Variants in BABAM2 observed in about 807,000 individuals in gnomAD.
BABAM2 encodes BRISC and BRCA1 A complex member 2.
BABAM2 carries 31 observed loss-of-function variants against 54.7 expected under a neutral mutation model. That is an observed-to-expected ratio of 0.57 (90% CI 0.43 to 0.77). BABAM2 has a LOEUF of 0.77. Among genes scored for constraint, BABAM2 ranks in the 30% least tolerant of loss-of-function variants. BABAM2 has a pLI of 0.00. For missense variants in BABAM2, 364 were observed against 455.8 expected (o/e 0.80, Z 1.83); for synonymous variants, 167 against 162.9 (o/e 1.03, Z -0.19).
At chr2:28,117,942 T>G (rs533995241) in intron 6 of BABAM2, among the ~76,000 whole-genome samples, 6 of 152,198 alleles carry the variant, frequency 3.9e-5, no homozygotes, top group Non-Finnish European at 7.4e-5. Flanking sequence ...ATCTTCTACC[T>G]TTTCTTTAAG....
chr2:28,001,005 C>CT (rs1365619480), intron 4 of BABAM2, among the ~76,000 whole-genome samples: 1 of 152,090 alleles, frequency 6.6e-6, no homozygotes, highest in African/African-American at 2.4e-5. Context: ...AACCCTTGTC[C>CT]TTTTTATTGG....
At chr2:27,981,936 G>C (rs976335817) in intron 3 of BABAM2, among the ~76,000 whole-genome samples, 1 of 152,090 alleles carries the variant, frequency 6.6e-6, no homozygotes, top group Admixed American at 6.6e-5. Flanking sequence ...CTGCCAGACT[G>C]TTTTCAAAAG....
intron 2 of BABAM2, among the ~76,000 whole-genome samples, chr2:27,899,302 CTCTT>C (rs1558570763): frequency 1.3e-5 from 2 of 152,152 alleles, no homozygotes; most frequent in East Asian, 1.9e-4. Flanking sequence ...GAAATTCTTA[CTCTT>C]TCTATCAGTA....
At chr2:27,948,245 A>G (rs72810601) in intron 3 of BABAM2, among the ~76,000 whole-genome samples, 29,113 of 151,472 alleles carry the variant, frequency 0.19, 3,447 homozygotes, top group Non-Finnish European at 0.28. Context: ...CTGATTGTTT[A>G]TTGCTGATAT....
At chr2:28,261,173 C>T (rs1684490954) in intron 10 of BABAM2, among the ~76,000 whole-genome samples, 1 of 151,988 alleles carries the variant, frequency 6.6e-6, no homozygotes, top group African/African-American at 2.4e-5. Context: ...AACTCCTGAC[C>T]TCAAGTGATC....
chr2:27,969,872 C>T (rs1411594479), intron 3 of BABAM2, among the ~76,000 whole-genome samples: 1 of 152,052 alleles, frequency 6.6e-6, no homozygotes, highest in African/African-American at 2.4e-5. Context: ...TATCCATCCC[C>T]AAATGTCAGT....
At chr2:27,931,473 T>A (rs1668089394) in intron 3 of BABAM2, among the ~76,000 whole-genome samples, 1 of 152,312 alleles carries the variant, frequency 6.6e-6, no homozygotes, top group African/African-American at 2.4e-5. Flanking sequence ...TTGTTATCTT[T>A]TGACTTCCTG....
chr2:28,320,107 G>A (rs1401137257), intron 11 of BABAM2, among the ~76,000 whole-genome samples: 1 of 152,218 alleles, frequency 6.6e-6, no homozygotes, highest in Admixed American at 6.5e-5. Flanking sequence ...CCAGCCATAT[G>A]GGCAAACTTT....
At chr2:27,909,114 C>T (rs546386269) in intron 2 of BABAM2, among the ~76,000 whole-genome samples, 1 of 152,188 alleles carries the variant, frequency 6.6e-6, no homozygotes, top group South Asian at 2.1e-4. Flanking sequence ...GCAATCACAG[C>T]TCACTGTGCA....
intron 6 of BABAM2, among the ~76,000 whole-genome samples, chr2:28,124,838 A>T (rs1474590656): frequency 6.6e-6 from 1 of 152,232 alleles, no homozygotes; most frequent in East Asian, 1.9e-4. Flanking sequence ...AAATTATAAC[A>T]ATATAAGATG....
At chr2:28,191,884 G>C (rs1294702022) in intron 7 of BABAM2, among the ~76,000 whole-genome samples, 1 of 151,988 alleles carries the variant, frequency 6.6e-6, no homozygotes, top group East Asian at 1.9e-4. Context: ...ATGTACAATT[G>C]TACATCAATT....
In BABAM2 at chr2:28,338,673, A is replaced by T. The variant is rs984308006; in HGVS notation, c.*160A>T. On this transcript the variant is annotated 3_prime_UTR_variant, in exon 12 of 12. Transcript: ENST00000379624. The stretch of plus-strand genomic sequence containing the variant: ...CAGGCAGCCCCGACTGCTGAAATCC[A>T]ACTTGAGCTGGCTGGTGGTCCCTGG... 4.4e-5 allele frequency: 33 copies of T among 751,044 alleles called. No individual in the cohort carries two copies. The highest frequency in any genetic ancestry group is 3.8e-4 in the African/African-American group (22 of 57,368). 46.5% of individuals were successfully genotyped at this position (751,044 alleles called of 1,614,324 possible). A position where few individuals can be genotyped will look rare whatever the true frequency, so the allele number is the denominator to read the frequency against.
chr2:27,989,539 G>T (rs1262110050), intron 4 of BABAM2, among the ~76,000 whole-genome samples: 2 of 152,168 alleles, frequency 1.3e-5, no homozygotes, highest in African/African-American at 4.8e-5. Flanking sequence ...ATATAAGGAA[G>T]GGATCAACAA....
At chr2:28,014,487 C>G (rs1236091733) in intron 4 of BABAM2, among the ~76,000 whole-genome samples, 1 of 152,138 alleles carries the variant, frequency 6.6e-6, no homozygotes, top group Non-Finnish European at 1.5e-5. Flanking sequence ...AGGACTTAAC[C>G]TAACTGTGTT....
chr2:28,215,450 A>G (rs1679842254), intron 7 of BABAM2, among the ~76,000 whole-genome samples: 1 of 152,216 alleles, frequency 6.6e-6, no homozygotes, highest in Non-Finnish European at 1.5e-5. Flanking sequence ...TATGTTTAAC[A>G]ATTTATTAAA....
At chr2:27,902,636 A>T (rs1008381723) in intron 2 of BABAM2, among the ~76,000 whole-genome samples, 4 of 152,268 alleles carry the variant, frequency 2.6e-5, no homozygotes, top group Admixed American at 2.6e-4. Context: ...GCTTATTGGC[A>T]ATTCAGATTT....
intron 2 of BABAM2, among the ~76,000 whole-genome samples, chr2:27,925,841 G>A (rs1667660627): frequency 6.6e-6 from 1 of 152,134 alleles, no homozygotes; most frequent in South Asian, 2.1e-4. Flanking sequence ...TATCTGCCAG[G>A]TGGGCTACAC....
chr2:28,186,995 C>T (rs868078372), intron 7 of BABAM2, among the ~76,000 whole-genome samples: 2 of 152,040 alleles, frequency 1.3e-5, no homozygotes, highest in South Asian at 2.1e-4. Context: ...TTAGTAGAGA[C>T]GGGGTTTCAC....
chr2:27,903,856 A>ATT (rs559540519), intron 2 of BABAM2, among the ~76,000 whole-genome samples: 1 of 151,530 alleles, frequency 6.6e-6, no homozygotes, highest in Non-Finnish European at 1.5e-5. Context: ...ACATCAGCAT[A>ATT]TTTTTTTTTA....
Sources: allele counts gnomAD v4.1 joint callset (sites outside exome capture counted in the v4.1 genomes callset), GRCh38; gene constraint gnomAD v4.1.1; transcripts MANE v1.5; gene names NCBI Gene and HGNC (gene_info 2026-07-23, HGNC 2026-07-21).